Variants in PRKN observed in about 807,000 individuals in gnomAD.
PRKN encodes E3 ubiquitin-protein ligase parkin.
PRKN carries 56 observed loss-of-function variants against 59.5 expected under a neutral mutation model. The observed-to-expected ratio is 0.94, with a 90% confidence interval of 0.76 to 1.18. PRKN has a LOEUF of 1.18. PRKN is among the 50% of genes most tolerant of loss of function. The pLI is 0.00. For missense variants in PRKN, 657 were observed against 596.4 expected (o/e 1.10, Z -1.06); for synonymous variants, 250 against 222.1 (o/e 1.13, Z -1.12).
intron 4 of PRKN, among the ~76,000 whole-genome samples, chr6:162,179,835 C>A (rs953686134): frequency 6.6e-6 from 1 of 152,062 alleles, no homozygotes; most frequent in African/African-American, 2.4e-5. Context: ...GTAAACACTA[C>A]CAAGCAGCAA....
In PRKN at chr6:161,377,033, G is replaced by A. The variant is rs1378464671; in HGVS notation, c.1167+9761C>T. 6.6e-6 allele frequency among the ~76,000 whole-genome samples: 1 copy of A among 152,248 alleles called. No individual in the cohort carries two copies. Among genetic ancestry groups the A allele is most frequent in the Non-Finnish European group, 1.5e-5 (1 of 68,042 alleles). ...GAGGAGCAAAGGGCAGGGTCAGGCG[G>A]CATGCAAGCGCCCTGTCTCTGCGGC... On this transcript the variant is annotated intron_variant, in intron 10 of 11. Coordinates refer to ENST00000366898, the MANE Select transcript of PRKN (RefSeq NM_004562.3). The surrounding 1 kb of genome is among the most constrained non-coding windows in gnomAD (Gnocchi z 4.2).
chr6:161,600,390 G>A (rs1237850444), intron 7 of PRKN, among the ~76,000 whole-genome samples: 3 of 152,122 alleles, frequency 2.0e-5, no homozygotes, highest in Non-Finnish European at 4.4e-5. Flanking sequence ...GGATCACACT[G>A]AGTCAGTGAT....
chr6:162,533,004 T>G (rs1421487175), intron 1 of PRKN, among the ~76,000 whole-genome samples: 2 of 152,168 alleles, frequency 1.3e-5, no homozygotes, highest in Admixed American at 1.3e-4. Context: ...CTAAACTACA[T>G]CTTCTGGCCC....
rs1328013261 is a variant in PRKN, at chr6:161,561,579, C to T, written c.933+7776G>A. On this transcript the variant is annotated intron_variant, in intron 8 of 11. Coordinates refer to ENST00000366898, the MANE Select transcript of PRKN (RefSeq NM_004562.3). This position sits in a 1 kb window ranked among gnomAD's most constrained non-coding sequence, Gnocchi z 5.0. ...AACTATGAACACACCTGCACCTGCA[C>T]TCACCCTCTCCAGCCCCTCTCACAA... 2.0e-5 allele frequency among the ~76,000 whole-genome samples: 3 copies of T among 152,190 alleles called. No homozygotes were observed. Among genetic ancestry groups the T allele is most frequent in the Non-Finnish European group, 4.4e-5 (3 of 68,030 alleles).
At chr6:161,863,423 T>G (rs1793987805) in intron 6 of PRKN, among the ~76,000 whole-genome samples, 2 of 152,184 alleles carry the variant, frequency 1.3e-5, no homozygotes, top group Non-Finnish European at 2.9e-5. Flanking sequence ...ATTAATTTAA[T>G]GCCAAAAAAT....
chr6:161,608,556 A>T (rs1782371550), intron 7 of PRKN, among the ~76,000 whole-genome samples: 1 of 151,772 alleles, frequency 6.6e-6, no homozygotes, highest in Non-Finnish European at 1.5e-5. Flanking sequence ...TTTTTTAGAC[A>T]GAGTCTCTCT....
intron 7 of PRKN, among the ~76,000 whole-genome samples, chr6:161,758,489 A>G (rs1421972839): frequency 6.6e-6 from 1 of 152,206 alleles, no homozygotes; most frequent in Non-Finnish European, 1.5e-5. Context: ...TACATACTCT[A>G]CGGTAGCATT....
intron 4 of PRKN, among the ~76,000 whole-genome samples, chr6:162,139,642 G>A (rs1308290256): frequency 6.6e-6 from 1 of 152,148 alleles, no homozygotes; most frequent in Non-Finnish European, 1.5e-5. Flanking sequence ...ATGACAGCTT[G>A]TTCTCAGCTT....
chr6:161,829,860 A>C (rs1218625219), intron 6 of PRKN, among the ~76,000 whole-genome samples: 1 of 151,996 alleles, frequency 6.6e-6, no homozygotes, highest in Non-Finnish European at 1.5e-5. Context: ...AAAAAAAAAA[A>C]AAAAAAAAAT....
intron 3 of PRKN, among the ~76,000 whole-genome samples, chr6:162,207,712 C>A (rs958610066): frequency 6.6e-6 from 1 of 152,188 alleles, no homozygotes; most frequent in African/African-American, 2.4e-5. Context: ...AATGCGCTCA[C>A]CTTGACCTTT....
At chr6:162,254,672 C>T (rs1347868309) in intron 3 of PRKN, among the ~76,000 whole-genome samples, 1 of 152,078 alleles carries the variant, frequency 6.6e-6, no homozygotes, top group African/African-American at 2.4e-5. Flanking sequence ...TAACTGCCCC[C>T]ATCCTTCATC....
chr6:161,951,395 T>C (rs938861033), intron 6 of PRKN, among the ~76,000 whole-genome samples: 2 of 152,210 alleles, frequency 1.3e-5, no homozygotes, highest in African/African-American at 4.8e-5. Context: ...CCTTCTTCTC[T>C]CTTTAGCCAG....
chr6:161,671,310 G>A (rs1309721893), intron 7 of PRKN, among the ~76,000 whole-genome samples: 1 of 152,122 alleles, frequency 6.6e-6, no homozygotes, highest in East Asian at 1.9e-4. Flanking sequence ...ATGCGTCCCA[G>A]GAACCTCATG....
intron 6 of PRKN, among the ~76,000 whole-genome samples, chr6:161,900,328 C>G (rs942576552): frequency 6.0e-5 from 9 of 150,222 alleles, no homozygotes; most frequent in African/African-American, 2.0e-4. Context: ...GCAGCAGCAT[C>G]AGGAAACAAG....
chr6:162,198,806 G>T (rs1282992012), intron 4 of PRKN, among the ~76,000 whole-genome samples: 4 of 151,966 alleles, frequency 2.6e-5, no homozygotes, highest in Admixed American at 2.6e-4. Flanking sequence ...CTGTTCCTGA[G>T]GATTACGACA....
intron 6 of PRKN, among the ~76,000 whole-genome samples, chr6:161,825,868 T>C (rs1166355253): frequency 6.6e-6 from 1 of 152,176 alleles, no homozygotes; most frequent in Non-Finnish European, 1.5e-5. Context: ...CTCTGTGTCA[T>C]ACAAACACAC....
intron 4 of PRKN, among the ~76,000 whole-genome samples, chr6:162,087,847 C>T (rs1219454167): frequency 6.6e-6 from 1 of 152,118 alleles, no homozygotes; most frequent in Non-Finnish European, 1.5e-5. Context: ...CCGCCTCAGC[C>T]TCCCAAAGTG....
intron 2 of PRKN, among the ~76,000 whole-genome samples, chr6:162,304,028 T>A (rs1782091531): frequency 6.6e-6 from 1 of 151,764 alleles, no homozygotes; most frequent in African/African-American, 2.4e-5. Context: ...GAAAACATAC[T>A]GAAACAAATA....
intron 7 of PRKN, among the ~76,000 whole-genome samples, chr6:161,745,219 A>G (rs983054033): frequency 9.9e-5 from 15 of 152,220 alleles, no homozygotes; most frequent in Non-Finnish European, 1.9e-4. Flanking sequence ...AAATAATAAC[A>G]TAAAATAAAA....
Sources: gnomAD v4.1 joint callset for allele counts (sites outside exome capture counted in the v4.1 genomes callset) on GRCh38, gnomAD v4.1.1 for gene constraint, Gnocchi (gnomAD v3.1) non-coding constraint, MANE v1.5 for transcripts, NCBI Gene and HGNC (gene_info 2026-07-23, HGNC 2026-07-21) for gene names.